The following ADPRHL1 variants were observed in gnomAD, a reference collection of about 807,000 sequenced individuals.
The protein encoded by ADPRHL1 is inactive ADP-ribosyltransferase ARH2.
A neutral mutation model predicts 44.1 loss-of-function variants in ADPRHL1; 43 were observed. The observed-to-expected ratio is 0.98, with a 90% CI of 0.76 to 1.26. The LOEUF (loss-of-function observed/expected upper bound fraction) is 1.26. Among genes scored for constraint, ADPRHL1 ranks in the 50% most tolerant of loss-of-function variants. The pLI is 0.00. For synonymous variants in ADPRHL1, 878 were observed against 1,017.4 expected (o/e 0.86, Z 2.61); for missense variants, 2,022 against 2,496.9 (o/e 0.81, Z 4.05).
Position 113,405,833 on chromosome 13 carries a change from C to T in ADPRHL1, c.3449G>A (p.Trp1150Ter). ...GCTTTCGGACAAGGCTCTGCTTCCC[C>T]ACTGGCCCAGCGTCTCTGGCTCTCC... Reference protein sequence around the residue: ...TAGEPETLGQWGSRALSESHP... With the variant: ...TAGEPETLGQ The change falls in exon 8 of 8, where the codon TGG becomes TAG. Residue 1150 changes from tryptophan (W) to a stop codon, truncating the protein, a stop_gained. Transcript: ENST00000612156. LOFTEE classifies it low-confidence loss of function (END_TRUNC). 8.1e-7 allele frequency: 1 copy of T among 1,231,884 alleles called. No homozygotes were observed. The highest frequency in any genetic ancestry group is 4.1e-5 in the South Asian group (1 of 24,330). The allele number at this position is 1,231,884 out of a possible 1,614,324, so 76.3% of individuals were successfully genotyped here.
At chr13:113,442,327 C>T (rs564387533) in intron 2 of ADPRHL1, among the ~76,000 whole-genome samples, 1 of 152,316 alleles carries the variant, frequency 6.6e-6, no homozygotes, top group South Asian at 2.1e-4. Context: ...TGTTGGCACG[C>T]ATCTGTTGTC....
At position 113,437,222 on chromosome 13, in the gene ADPRHL1, C is replaced by G. The variant is rs188785519; in HGVS notation, c.380-3355G>C. ...CCAGCACCCACACGTAGAGTGAACA[C>G]AGGTGTACCCCGGGACCCGGCACCC... On this transcript the variant is annotated intron_variant, in intron 2 of 7. Coordinates refer to ENST00000612156, the MANE Select transcript of ADPRHL1 (RefSeq NM_001394807.1). Among the ~76,000 whole-genome samples the G allele has an allele frequency of 1.9e-3, 222 of 115,100 alleles. 1 individual carries two copies. Among genetic ancestry groups the G allele is most frequent in the African/African-American group, 7.0e-3 (209 of 29,760 alleles). 75.5% of individuals were successfully genotyped at this position (115,100 alleles called of 152,430 possible). A position where few individuals can be genotyped will look rare whatever the true frequency, so the allele number is the denominator to read the frequency against.
At chr13:113,448,363 G>A (rs2044156279) in intron 1 of ADPRHL1, among the ~76,000 whole-genome samples, 1 of 151,068 alleles carries the variant, frequency 6.6e-6, no homozygotes, top group Non-Finnish European at 1.5e-5. Context: ...CCTCTCAGGA[G>A]GCTGAGGCAG....
Position 113,409,541 on chromosome 13 carries a change from CG to C in ADPRHL1, c.1062-1322del. On this transcript the variant is annotated intron_variant, in intron 7 of 7. Transcript: ENST00000612156. The surrounding 1 kb of genome is among the most constrained non-coding windows in gnomAD (Gnocchi z 4.2). The stretch of plus-strand genomic sequence containing the variant: ...TGGGAGAAGAGTCGGTGGCCGGATG[CG>C]GCTGGTGACGTGGTGCCAAGTGAAA... 1.0e-6 allele frequency: 1 copy of C among 985,346 alleles called. No individual in the cohort carries two copies. Among genetic ancestry groups the C allele is most frequent in the Non-Finnish European group, 1.2e-6 (1 of 829,914 alleles). 61.0% of individuals were successfully genotyped at this position (985,346 alleles called of 1,614,324 possible).
chr13:113,404,395 C>G lies in ADPRHL1; in HGVS notation c.4887G>C (p.Gln1629His). Residue 1629 changes from glutamine (Q) to histidine (H), a missense_variant, in exon 8 of 8, where the codon CAG becomes CAC. Transcript: ENST00000612156. ...CCTGAGCCCCTTTCTGGGTCTGTTC[C>G]TGAGCCCATTTCTGGGCCTTTATCT... is the stretch of plus-strand genomic sequence containing the variant. Reference protein sequence around the residue: ...QTQIKAQKWAQEQTQKGAQER... With the variant: ...QTQIKAQKWAHEQTQKGAQER... The G allele has an allele frequency of 7.5e-7, 1 of 1,331,286 alleles. No individual in the cohort carries two copies. Among genetic ancestry groups the G allele is most frequent in the Non-Finnish European group, 9.5e-7 (1 of 1,049,108 alleles). 82.5% of individuals were successfully genotyped at this position (1,331,286 alleles called of 1,614,324 possible).
In ADPRHL1 at chr13:113,453,274, A is replaced by T. The variant is rs1250941676; in HGVS notation, c.164T>A (p.Val55Glu). Residue 55 changes from valine (V) to glutamate (E), a missense_variant, in exon 1 of 8, where the codon GTG becomes GAG. By Grantham distance (121) the Val-to-Glu change is moderately radical. This residue lies in a region of ADPRHL1 where 437 missense variants were observed against 430.7 expected (regional missense o/e 1.01). Coordinates refer to ENST00000612156, the MANE Select transcript of ADPRHL1 (RefSeq NM_001394807.1). This position sits in a 1 kb window ranked among gnomAD's most constrained non-coding sequence, Gnocchi z 5.4. Reference protein sequence around the residue: ...HLVLSPGEWPVSDNTIMHIAT... With the variant: ...HLVLSPGEWPESDNTIMHIAT... ...GATGTGCATGATGGTGTTGTCACTC[A>T]CGGGCCATTCTCCTGGCGAGAGTAC... 6.2e-7 allele frequency: 1 copy of T among 1,614,018 alleles called. No homozygotes were observed. Among genetic ancestry groups the T allele is most frequent in the Non-Finnish European group, 8.5e-7 (1 of 1,180,042 alleles).
At chr13:113,429,506 C>T (rs894223672) in intron 3 of ADPRHL1, among the ~76,000 whole-genome samples, 3 of 152,274 alleles carry the variant, frequency 2.0e-5, no homozygotes, top group Non-Finnish European at 2.9e-5. Context: ...CCTTCCTCTC[C>T]GCGGCTGAAT....
chr13:113,421,369 C>T (rs537583428), intron 7 of ADPRHL1, among the ~76,000 whole-genome samples: 2 of 147,452 alleles, frequency 1.4e-5, no homozygotes, highest in East Asian at 4.0e-4. Context: ...ACACCTCTAC[C>T]CCTGGGACAC....
chr13:113,432,956 C>T (rs972200339), intron 3 of ADPRHL1, among the ~76,000 whole-genome samples: 7 of 152,176 alleles, frequency 4.6e-5, no homozygotes, highest in African/African-American at 7.2e-5. Context: ...TAGAGTCAGG[C>T]GCTACCGCAG....
At position 113,422,845 on chromosome 13, in the gene ADPRHL1, G is replaced by A. The variant is rs369320013; in HGVS notation, c.1042C>T (p.Arg348Cys). Residue 348 changes from arginine to cysteine, a missense_variant, in exon 7 of 8, where the codon CGC becomes TGC. Transcript: ENST00000612156. ...KLEDLGAALY[R>C]LSTEENRKSS... ...CTTTACTTCTCCTCTGTGGACAGGC[G>A]GTAGAGAGCCGCGCCCAGGTCCTCC... The A allele has an allele frequency of 6.8e-6, 11 of 1,612,906 alleles. No individual in the cohort carries two copies. The highest frequency in any genetic ancestry group is 1.7e-4 in the Middle Eastern group (1 of 6,060).
In ADPRHL1 at chr13:113,406,509, G is replaced by T. The variant is rs559019547; in HGVS notation, c.2773C>A (p.Arg925Ser). Residue 925 changes from arginine (R) to serine (S), a missense_variant, in exon 8 of 8, where the codon CGT (arginine) becomes AGT (serine). This residue lies in a region of ADPRHL1 where 1,221 missense variants were observed against 1,517.8 expected (regional missense o/e 0.80). Transcript: ENST00000612156. ...ACAGCCCCTCTTGCTGCTGCCAGAC[G>T]CGGAGCTGCCCGTGGCCCCTGCGGC... Reference protein sequence around the residue: ...SSPQGPRAAPRLAAARGAVGA... With the variant: ...SSPQGPRAAPSLAAARGAVGA... 4.9e-5 allele frequency: 60 copies of T among 1,232,008 alleles called. No individual in the cohort carries two copies. In the East Asian group the frequency reaches 7.3e-4, roughly 15 times the overall value. 76.3% of individuals were successfully genotyped at this position (1,232,008 alleles called of 1,614,324 possible).
chr13:113,405,264 C>T lies in ADPRHL1; in HGVS notation c.4018G>A (p.Ala1340Thr), dbSNP rs2043799063. The T allele has an allele frequency of 8.1e-7, 1 of 1,231,912 alleles. No individual in the cohort carries two copies. Among genetic ancestry groups the T allele is most frequent in the South Asian group, 4.1e-5 (1 of 24,324 alleles). 76.3% of individuals were successfully genotyped at this position (1,231,912 alleles called of 1,614,324 possible). Residue 1340 changes from alanine to threonine, a missense_variant, in exon 8 of 8, where the codon GCA becomes ACA. Physicochemically the swap from Ala to Thr is moderately conservative, Grantham distance 58 (BLOSUM62 0). Transcript: ENST00000612156. ...TCACCAGCAGTAGGGGGCAGGTGTG[C>T]CTGTAGATGGGGAGGGCCCCGCTGG... Reference protein sequence around the residue: ...THQRGPPHLQAHLPPTAGDTQ... With the variant: ...THQRGPPHLQTHLPPTAGDTQ...
intron 3 of ADPRHL1, among the ~76,000 whole-genome samples, chr13:113,431,723 A>ATT (rs199707185): frequency 2.0e-5 from 3 of 151,048 alleles, no homozygotes; most frequent in Admixed American, 6.6e-5. Flanking sequence ...ATGTGAAATA[A>ATT]TTTTTTTTTT....
chr13:113,400,739 G>C lies in ADPRHL1; in HGVS notation c.*2639C>G, dbSNP rs2043754882. On this transcript the variant is annotated 3_prime_UTR_variant, in exon 8 of 8. Coordinates refer to ENST00000612156, the MANE Select transcript of ADPRHL1 (RefSeq NM_001394807.1). ...CACAGAGTAGCTGTGCTGTTTTTGAGCTGAGGGCAGTGTCATGCTGGGCTG... is the reference window on the plus strand; with the variant it reads ...CACAGAGTAGCTGTGCTGTTTTTGACCTGAGGGCAGTGTCATGCTGGGCTG... 1 of 152,244 alleles carries C rather than the reference G, an allele frequency of 6.6e-6. No individual in the cohort carries two copies. The highest frequency in any genetic ancestry group is 1.5e-5 in the Non-Finnish European group (1 of 68,078). 9.4% of individuals were successfully genotyped at this position (152,244 alleles called of 1,614,324 possible). A position where few individuals can be genotyped will look rare whatever the true frequency, so the allele number is the denominator to read the frequency against.
chr13:113,445,564 G>A (rs960785144), intron 1 of ADPRHL1, among the ~76,000 whole-genome samples: 2 of 152,226 alleles, frequency 1.3e-5, no homozygotes, highest in African/African-American at 4.8e-5. Context: ...CCCGGGAGAC[G>A]CCACTGCTCC....
At chr13:113,448,860 G>A in intron 1 of ADPRHL1, 2 of 774,850 alleles carry the variant, frequency 2.6e-6, no homozygotes, top group Non-Finnish European at 3.1e-6. Flanking sequence ...GAGGGAGGAA[G>A]GCCCTGGGAG....
At chr13:113,430,838 G>A (rs2044001942) in intron 3 of ADPRHL1, among the ~76,000 whole-genome samples, 1 of 152,164 alleles carries the variant, frequency 6.6e-6, no homozygotes, top group Non-Finnish European at 1.5e-5. Flanking sequence ...GAGCAGCTGT[G>A]GTGGTGGCAG....
chr13:113,448,771 C>T (rs2044159545), intron 1 of ADPRHL1, among the ~76,000 whole-genome samples: 1 of 152,210 alleles, frequency 6.6e-6, no homozygotes, highest in Non-Finnish European at 1.5e-5. Context: ...GCCACACGGG[C>T]CTGCACCAAC....
chr13:113,434,394 G>A (rs988761586), intron 2 of ADPRHL1, among the ~76,000 whole-genome samples: 37 of 144,826 alleles, frequency 2.6e-4, no homozygotes, highest in African/African-American at 9.8e-4. Context: ...CAGCACCCAG[G>A]CGTAGAGTGA....
Sources: gnomAD v4.1 joint callset for allele counts (sites outside exome capture counted in the v4.1 genomes callset) on GRCh38, gnomAD v4.1.1 for gene constraint, gnomAD v4.1.1 regional missense constraint, Gnocchi (gnomAD v3.1) non-coding constraint, MANE v1.5 for transcripts, NCBI Gene and HGNC (gene_info 2026-07-23, HGNC 2026-07-21) for gene names.